Variants in CCSER1 observed in about 807,000 individuals in gnomAD.
CCSER1 encodes serine-rich coiled-coil domain-containing protein 1.
Under a neutral mutation model 82.0 loss-of-function variants are expected in CCSER1, and 41 were observed. That is an observed-to-expected ratio of 0.50 (90% CI 0.39 to 0.65). The LOEUF (loss-of-function observed/expected upper bound fraction) is 0.65, where lower values mean the gene tolerates loss of function less well. Among genes scored for constraint, CCSER1 ranks in the 30% least tolerant of loss-of-function variants. The probability of loss-of-function intolerance (pLI) is 0.00; values close to 1 mark genes in which losing one functional copy is unlikely to be tolerated. For synonymous variants in CCSER1, 414 were observed against 383.9 expected (o/e 1.08, Z -0.92); for missense variants, 1,119 against 1,064.2 (o/e 1.05, Z -0.72).
intron 10 of CCSER1, among the ~76,000 whole-genome samples, chr4:91,282,460 C>T (rs1335546944): frequency 6.6e-6 from 1 of 152,140 alleles, no homozygotes; most frequent in Non-Finnish European, 1.5e-5. Flanking sequence ...GATTATTATG[C>T]TTTCTTCTAT....
chr4:91,549,337 C>T (rs768501349), intron 10 of CCSER1, among the ~76,000 whole-genome samples: 1 of 152,032 alleles, frequency 6.6e-6, no homozygotes, highest in Non-Finnish European at 1.5e-5. Context: ...GTAATTTTAA[C>T]ATTTCTGCCT....
At chr4:90,490,501 TGCTGTGCAGAAGCTCTTTAGTTTA>T (rs1767826011) in intron 5 of CCSER1, among the ~76,000 whole-genome samples, 2 of 152,212 alleles carry the variant, frequency 1.3e-5, no homozygotes, top group Non-Finnish European at 2.9e-5. Context: ...TAGTTTCCTT[TGCTGTGCAGAAGCTCTTTAGTTTA>T]ATTAGATCCC....
intron 10 of CCSER1, among the ~76,000 whole-genome samples, chr4:91,526,958 T>C (rs534762627): frequency 9.6e-4 from 74 of 76,986 alleles, no homozygotes; most frequent in Non-Finnish European, 1.6e-3. Context: ...AAACTCTCCT[T>C]TGATGCAGTC....
chr4:90,674,463 G>A (rs1733425945), intron 6 of CCSER1, among the ~76,000 whole-genome samples: 1 of 151,932 alleles, frequency 6.6e-6, no homozygotes, highest in African/African-American at 2.4e-5. Context: ...ATGGAGAAGT[G>A]TAAAAGAGGG....
At chr4:91,086,043 T>C (rs1723363522) in intron 10 of CCSER1, 49 bp downstream of exon 10, 2 of 1,147,106 alleles carry the variant, frequency 1.7e-6, no homozygotes, top group Admixed American at 2.0e-5. Flanking sequence ...AACATGGCTA[T>C]GGTGTTGCAG....
intron 9 of CCSER1, among the ~76,000 whole-genome samples, chr4:90,982,154 G>A (rs1180560876): frequency 6.6e-6 from 1 of 151,800 alleles, no homozygotes; most frequent in Admixed American, 6.6e-5. Context: ...TAAAATCTGA[G>A]ACATTCAAGA....
chr4:91,436,074 C>T (rs773415459), intron 10 of CCSER1, among the ~76,000 whole-genome samples: 2 of 152,212 alleles, frequency 1.3e-5, no homozygotes. Flanking sequence ...AATTATATCA[C>T]TGTAGTTACA....
chr4:90,351,925 T>G (rs1743518427), intron 3 of CCSER1, among the ~76,000 whole-genome samples: 1 of 152,202 alleles, frequency 6.6e-6, no homozygotes, highest in African/African-American at 2.4e-5. Flanking sequence ...TTGTGTGTGT[T>G]TTTAAATAGA....
At chr4:90,758,759 G>A (rs1054855969) in intron 7 of CCSER1, among the ~76,000 whole-genome samples, 2 of 152,080 alleles carry the variant, frequency 1.3e-5, no homozygotes, top group Non-Finnish European at 2.9e-5. Flanking sequence ...AAATGAGAAA[G>A]ATATAGCTAC....
At chr4:91,450,305 C>A (rs975183654) in intron 10 of CCSER1, among the ~76,000 whole-genome samples, 5 of 151,966 alleles carry the variant, frequency 3.3e-5, no homozygotes, top group African/African-American at 7.2e-5. Context: ...GGAAAAAAAA[C>A]CATCAAAACA....
At chr4:91,331,346 C>T (rs993458503) in intron 10 of CCSER1, among the ~76,000 whole-genome samples, 2 of 151,950 alleles carry the variant, frequency 1.3e-5, no homozygotes, top group South Asian at 2.1e-4. Context: ...CAAATCTGAC[C>T]GTCCCATTGT....
chr4:91,208,313 C>T (rs1196762398), intron 10 of CCSER1, among the ~76,000 whole-genome samples: 2 of 151,820 alleles, frequency 1.3e-5, no homozygotes, highest in African/African-American at 4.8e-5. Flanking sequence ...GTTCCTATGT[C>T]CAAAATGGTA....
At chr4:90,152,747 AC>A (rs1727100744) in intron 1 of CCSER1, among the ~76,000 whole-genome samples, 1 of 152,084 alleles carries the variant, frequency 6.6e-6, no homozygotes, top group South Asian at 2.1e-4. Flanking sequence ...ATGGTAGAAT[AC>A]CTTGAAAGCT....
intron 10 of CCSER1, among the ~76,000 whole-genome samples, chr4:91,580,665 G>A (rs753311973): frequency 3.3e-5 from 5 of 151,692 alleles, no homozygotes; most frequent in Non-Finnish European, 7.4e-5. Context: ...TGATGGCAAA[G>A]CTGAGATTCT....
chr4:90,689,370 T>G (rs1308710549), intron 6 of CCSER1, among the ~76,000 whole-genome samples: 1 of 152,122 alleles, frequency 6.6e-6, no homozygotes, highest in African/African-American at 2.4e-5. Flanking sequence ...GCTCCATGTG[T>G]GTAAAAAACA....
At chr4:91,210,307 G>C (rs912664082) in intron 10 of CCSER1, among the ~76,000 whole-genome samples, 1 of 150,614 alleles carries the variant, frequency 6.6e-6, no homozygotes, top group Non-Finnish European at 1.5e-5. Flanking sequence ...TGAAGATATG[G>C]GAAACCATGA....
At chr4:91,462,170 C>T (rs1167129347) in intron 10 of CCSER1, among the ~76,000 whole-genome samples, 2 of 151,970 alleles carry the variant, frequency 1.3e-5, no homozygotes, top group African/African-American at 4.8e-5. Context: ...AACAAAAATC[C>T]TGAATAAATG....
At chr4:91,112,083 G>A (rs1038435413) in intron 10 of CCSER1, among the ~76,000 whole-genome samples, 1 of 151,952 alleles carries the variant, frequency 6.6e-6, no homozygotes, top group African/African-American at 2.4e-5. Context: ...CAGCTTTAAC[G>A]TGTTTCTAAA....
intron 8 of CCSER1, among the ~76,000 whole-genome samples, chr4:90,871,565 A>AATGTTT (rs1215202622): frequency 5.3e-5 from 8 of 151,722 alleles, no homozygotes; most frequent in Non-Finnish European, 1.2e-4. Context: ...GTTTTTGAAG[A>AATGTTT]CCCTTTTGTG....
Sources: gnomAD v4.1 joint callset for allele counts (sites outside exome capture counted in the v4.1 genomes callset) on GRCh38, gnomAD v4.1.1 for gene constraint, MANE v1.5 for transcripts, NCBI Gene and HGNC (gene_info 2026-07-23, HGNC 2026-07-21) for gene names.